FUT6: variants seen among roughly 807,000 people sequenced by gnomAD.
FUT6 encodes the protein fucosyltransferase 6.
For missense variants in FUT6, 454 were observed against 494.6 expected (o/e 0.92, Z 0.78); for synonymous variants, 187 against 209.9 (o/e 0.89, Z 0.94).
Position 5,830,831 on chromosome 19 carries a change from C to G in FUT6, c.*657G>C. On this transcript the variant is annotated 3_prime_UTR_variant, in exon 3 of 3. Coordinates refer to ENST00000318336, the MANE Select transcript of FUT6 (RefSeq NM_000150.4). ...ATATTGGCCAGGATGGTCTCGATCT[C>G]CTGACCTTGTGATCCGCCTGCCTCG... 1 of 204,464 alleles carries G rather than the reference C, an allele frequency of 4.9e-6. No individual in the cohort carries two copies. The highest frequency in any genetic ancestry group is 1.0e-5 in the Non-Finnish European group (1 of 99,228). 12.7% of individuals were successfully genotyped at this position (204,464 alleles called of 1,614,324 possible).
In FUT6 at chr19:5,832,873, C is replaced by T. The variant is rs2057126355; in HGVS notation, c.-12-294G>A. ...CCTCAGGTCCCACCTTGATCCTGTC[C>T]TTTTCTGGTGTGTCCCCAGACTCTT... On this transcript the variant is annotated intron_variant, in intron 2 of 2. Coordinates refer to ENST00000318336, the MANE Select transcript of FUT6 (RefSeq NM_000150.4). The surrounding 1 kb of genome is among the most constrained non-coding windows in gnomAD (Gnocchi z 4.3). 1 of 448,916 alleles carries T rather than the reference C, an allele frequency of 2.2e-6. No homozygotes were observed. The highest frequency in any genetic ancestry group is 4.1e-6 in the Non-Finnish European group (1 of 245,978). 27.8% of individuals were successfully genotyped at this position (448,916 alleles called of 1,614,324 possible).
rs377238448 is a variant in FUT6 at position 5,832,533 on chromosome 19, G to C, written c.35C>G (p.Ser12Trp). The C allele has an allele frequency of 1.2e-6, 2 of 1,613,564 alleles. No homozygotes were observed. The highest frequency in any genetic ancestry group is 1.7e-6 in the Non-Finnish European group (2 of 1,179,968). Residue 12 changes from serine (S) to tryptophan (W), a missense_variant, in exon 3 of 3, where the codon TCG becomes TGG. Physicochemically the swap from Ser to Trp is radical, Grantham distance 177. Transcript: ENST00000318336. The surrounding 1 kb of genome is among the most constrained non-coding windows in gnomAD (Gnocchi z 4.3). ...CAGCGTGGTCAGACAGCAGCGCCAC[G>C]ACCACTGTGGCTTGGCCGGGCCCAG... ...DPLGPAKPQW[S>W]WRCCLTTLLF...
intron 1 of FUT6, among the ~76,000 whole-genome samples, chr19:5,837,647 T>C (rs967118524): frequency 6.6e-6 from 1 of 151,878 alleles, no homozygotes; most frequent in African/African-American, 2.4e-5. Flanking sequence ...GCACCTGTAG[T>C]CCCAGCTACT....
Position 5,831,095 on chromosome 19 carries a change from A to G in FUT6, c.*393T>C. On this transcript the variant is annotated 3_prime_UTR_variant, in exon 3 of 3. Coordinates refer to ENST00000318336, the MANE Select transcript of FUT6 (RefSeq NM_000150.4). The surrounding 1 kb of genome is among the most constrained non-coding windows in gnomAD (Gnocchi z 7.0). ...GAGGTCCCCAGCAGGTGAGGCTCCT[A>G]GCAGGTGAGATTCAGTGTGGAAGGT... 1 of 563,284 alleles carries G rather than the reference A, an allele frequency of 1.8e-6. No homozygotes were observed. Among genetic ancestry groups the G allele is most frequent in the Non-Finnish European group, 3.2e-6 (1 of 315,518 alleles). The allele number at this position is 563,284 out of a possible 1,614,324, so 34.9% of individuals were successfully genotyped here. A position where few individuals can be genotyped will look rare whatever the true frequency, so the allele number is the denominator to read the frequency against.
Position 5,832,422 on chromosome 19 carries a change from C to T in FUT6, c.146G>A (p.Arg49His), listed in dbSNP as rs766401715. ...GGGGGTCCCTGTGCTGTCTGGGAAG[C>T]GGGACCCATTAGGGTACACAGTGGG... ...DDPTVYPNGSRFPDSTGTPAH... is the reference protein window; with the variant it reads ...DDPTVYPNGSHFPDSTGTPAH... The change falls in exon 3 of 3, where the codon CGC becomes CAC. Residue 49 changes from arginine (R) to histidine (H), a missense_variant. By Grantham distance (29) the Arg-to-His change is conservative. Coordinates refer to ENST00000318336, the MANE Select transcript of FUT6 (RefSeq NM_000150.4). The surrounding 1 kb of genome is among the most constrained non-coding windows in gnomAD (Gnocchi z 4.3). 6.8e-6 allele frequency: 11 copies of T among 1,613,806 alleles called. No individual in the cohort carries two copies. Among genetic ancestry groups the T allele is most frequent in the Middle Eastern group, 1.6e-4 (1 of 6,062 alleles).
In FUT6 at chr19:5,830,944, TGCG is replaced by T. The variant is rs2057081392; in HGVS notation, c.*541_*543del. ...TTTGCAGTATTACATCTGGAAACGGTGCGGTGATTATCTCTCTGCACCCCTCAC... is the reference window on the plus strand; with the variant it reads ...TTTGCAGTATTACATCTGGAAACGGTGTGATTATCTCTCTGCACCCCTCAC... On this transcript the variant is annotated 3_prime_UTR_variant, in exon 3 of 3. Coordinates refer to ENST00000318336, the MANE Select transcript of FUT6 (RefSeq NM_000150.4). 2 of 318,218 alleles carry T rather than the reference TGCG, an allele frequency of 6.3e-6. No homozygotes were observed. The highest frequency in any genetic ancestry group is 4.3e-5 in the African/African-American group (2 of 46,746). 19.7% of individuals were successfully genotyped at this position (318,218 alleles called of 1,614,324 possible). A position where few individuals can be genotyped will look rare whatever the true frequency, so the allele number is the denominator to read the frequency against.
intron 1 of FUT6, among the ~76,000 whole-genome samples, chr19:5,836,688 T>A (rs1405478764): frequency 1.3e-5 from 2 of 152,070 alleles, no homozygotes; most frequent in Non-Finnish European, 2.9e-5. Flanking sequence ...AATTTTATTA[T>A]TTATTATTAT....
chr19:5,835,944 AG>A (rs2057173480), intron 1 of FUT6, among the ~76,000 whole-genome samples: 1 of 149,836 alleles, frequency 6.7e-6, no homozygotes, highest in Non-Finnish European at 1.5e-5. Context: ...ACTGGAGTGC[AG>A]TGGTGTGATC....
At chr19:5,834,013 T>C (rs541938506) in intron 2 of FUT6, among the ~76,000 whole-genome samples, 15 of 151,948 alleles carry the variant, frequency 9.9e-5, no homozygotes, top group Admixed American at 3.3e-4. Flanking sequence ...ATGCCTGTAG[T>C]CCCAGCTACT....
chr19:5,838,029 A>T (rs1031294147), intron 1 of FUT6: 2 of 152,056 alleles, frequency 1.3e-5, no homozygotes, highest in Non-Finnish European at 2.9e-5. Context: ...TAATGTTTAG[A>T]GATACATTTA....
In FUT6 at chr19:5,831,342, A is replaced by C. The variant is rs373185896; in HGVS notation, c.*146T>G. 360 of 1,589,926 alleles carry C rather than the reference A, an allele frequency of 2.3e-4. 1 individual carries two copies. The African/African-American group carries it at 4.2e-3, about 19-fold the overall frequency. On this transcript the variant is annotated 3_prime_UTR_variant, in exon 3 of 3. Transcript: ENST00000318336. The surrounding 1 kb of genome is among the most constrained non-coding windows in gnomAD (Gnocchi z 7.0). ...GGTAGGTGAATCCCCAGGCAGGTGAAGCTGCAACAGGTGACCGTCCCAGGC... is the reference window on the plus strand; with the variant it reads ...GGTAGGTGAATCCCCAGGCAGGTGACGCTGCAACAGGTGACCGTCCCAGGC...
rs2057127131 is a variant in FUT6 at position 5,832,935 on chromosome 19, G to GC, written c.-12-357dup. ...AGAGAAGACACAGCCGATCATAAATGCCCCCCAGTGCCCCTGAGTCGAGGC... is the reference window on the plus strand; with the variant it reads ...AGAGAAGACACAGCCGATCATAAATGCCCCCCCAGTGCCCCTGAGTCGAGGC... On this transcript the variant is annotated intron_variant, in intron 2 of 2. Coordinates refer to ENST00000318336, the MANE Select transcript of FUT6 (RefSeq NM_000150.4). The surrounding 1 kb of genome is among the most constrained non-coding windows in gnomAD (Gnocchi z 4.3). The GC allele has an allele frequency of 7.0e-6, 2 of 286,656 alleles. No individual in the cohort carries two copies. The highest frequency in any genetic ancestry group is 2.2e-5 in the African/African-American group (1 of 46,362). 17.8% of individuals were successfully genotyped at this position (286,656 alleles called of 1,614,324 possible). A position where few individuals can be genotyped will look rare whatever the true frequency, so the allele number is the denominator to read the frequency against.
Position 5,832,221 on chromosome 19 carries a change from G to A in FUT6, c.347C>T (p.Pro116Leu). ...IVHHREVMYN[P>L]SAQLPRSPRR... is the part of the protein sequence containing the mutation. ...CGGGGAGCGTGGGAGCTGGGCACTG[G>A]GGTTGTACATGACCTCTCGGTGGTG... Residue 116 changes from proline to leucine, a missense_variant, in exon 3 of 3, where the codon CCC (proline) becomes CTC (leucine). Transcript: ENST00000318336. The surrounding 1 kb of genome is among the most constrained non-coding windows in gnomAD (Gnocchi z 4.3). 1 of 1,614,054 alleles carries A rather than the reference G, an allele frequency of 6.2e-7. No individual in the cohort carries two copies. Among genetic ancestry groups the A allele is most frequent in the Non-Finnish European group, 8.5e-7 (1 of 1,180,018 alleles).
At chr19:5,835,630 AGGTAT>A (rs1010828367) in intron 1 of FUT6, among the ~76,000 whole-genome samples, 17 of 152,094 alleles carry the variant, frequency 1.1e-4, no homozygotes, top group African/African-American at 4.1e-4. Flanking sequence ...AAAATTAGTC[AGGTAT>A]GGTGGCAGGA....
chr19:5,837,634 C>T (rs370198293), intron 1 of FUT6, among the ~76,000 whole-genome samples: 10 of 151,932 alleles, frequency 6.6e-5, no homozygotes, highest in African/African-American at 9.7e-5. Flanking sequence ...GGCGCGGTGG[C>T]GGGCACCTGT....
chr19:5,831,937 T>C lies in FUT6; in HGVS notation c.631A>G (p.Ser211Gly), dbSNP rs1347231903. 6.2e-7 allele frequency: 1 copy of C among 1,613,938 alleles called. No homozygotes were observed. The highest frequency in any genetic ancestry group is 8.5e-7 in the Non-Finnish European group (1 of 1,179,870). ...TCCACCTTGAGATGGGCCTGCAGGC[T>C]CTGGTAGTAGCGCACCCTGGCGGAG... ...PNSARVRYYQSLQAHLKVDVY... is the reference protein window; with the variant it reads ...PNSARVRYYQGLQAHLKVDVY... Residue 211 changes from serine (S) to glycine (G), a missense_variant, in exon 3 of 3, where the codon AGC becomes GGC. Coordinates refer to ENST00000318336, the MANE Select transcript of FUT6 (RefSeq NM_000150.4). The surrounding 1 kb of genome is among the most constrained non-coding windows in gnomAD (Gnocchi z 7.0).
intron 2 of FUT6, chr19:5,834,716 C>G (rs369589359): frequency 3.9e-5 from 6 of 152,268 alleles, no homozygotes; most frequent in African/African-American, 1.4e-4. Flanking sequence ...ATGAGAATCG[C>G]TTGAACCCGG....
rs558525352 is a variant in FUT6, at chr19:5,832,070, C to T, written c.498G>A (p.Thr166=). The T allele has an allele frequency of 3.7e-6, 6 of 1,613,700 alleles. No homozygotes were observed. The African/African-American group carries it at 5.3e-5, about 14-fold the overall frequency. The change falls in exon 3 of 3, where the codon ACG becomes ACA. Residue 166 remains threonine, a synonymous_variant. Coordinates refer to ENST00000318336, the MANE Select transcript of FUT6 (RefSeq NM_000150.4). The surrounding 1 kb of genome is among the most constrained non-coding windows in gnomAD (Gnocchi z 4.3). ...MSYRSDSDIF[T]PYGWLEPWSG... ...ACCACGGCTCCAGCCAGCCGTAGGG[C>T]GTGAAGATGTCGGAGTCGCTGCGGT...
Position 5,831,411 on chromosome 19 carries a change from T to G in FUT6, c.*77A>C, listed in dbSNP as rs200530785. On this transcript the variant is annotated 3_prime_UTR_variant, in exon 3 of 3. Transcript: ENST00000318336. The surrounding 1 kb of genome is among the most constrained non-coding windows in gnomAD (Gnocchi z 7.0). Reference sequence around the variant, plus strand: ...GTGAAGCTTCAGGCAAACGAGTCCTTAGGTAGATGAGGCCCCCACTCAGGT... The same window carrying G: ...GTGAAGCTTCAGGCAAACGAGTCCTGAGGTAGATGAGGCCCCCACTCAGGT... The G allele has an allele frequency of 1.1e-5, 18 of 1,612,732 alleles. No individual in the cohort carries two copies. The highest frequency in any genetic ancestry group is 1.5e-5 in the Non-Finnish European group (18 of 1,179,896).
Sources: allele counts gnomAD v4.1 joint callset (sites outside exome capture counted in the v4.1 genomes callset), GRCh38; gene constraint gnomAD v4.1.1; non-coding constraint Gnocchi (gnomAD v3.1); transcripts MANE v1.5; gene names NCBI Gene and HGNC (gene_info 2026-07-23, HGNC 2026-07-21).